Variants in WDPCP observed in about 807,000 individuals in gnomAD.
WDPCP encodes the protein WD repeat containing planar cell polarity effector.
In WDPCP, 71 loss-of-function variants were observed where a neutral mutation model predicts 93.1. The observed-to-expected ratio is 0.76, with a 90% CI of 0.63 to 0.93. The LOEUF is 0.93. Among genes scored for constraint, WDPCP ranks in the 40% least tolerant of loss-of-function variants. The pLI is 0.00. For synonymous variants in WDPCP, 315 were observed against 315.0 expected (o/e 1.00, Z 0.00); for missense variants, 844 against 887.4 (o/e 0.95, Z 0.62).
intron 2 of WDPCP, among the ~76,000 whole-genome samples, chr2:63,679,881 C>T (rs1229656726): frequency 6.6e-6 from 1 of 152,158 alleles, no homozygotes; most frequent in Non-Finnish European, 1.5e-5. Flanking sequence ...TTTCTTCTCA[C>T]TGGTAGAGAG....
In WDPCP at chr2:63,575,368, C is replaced by T. The variant is rs1212226043; in HGVS notation, c.75+12829G>A. Among the ~76,000 whole-genome samples the T allele has an allele frequency of 4.8e-5, 6 of 124,992 alleles. 2 individuals carry two copies. Among genetic ancestry groups the T allele is most frequent in the African/African-American group, 1.2e-4 (4 of 33,978 alleles). 82.0% of individuals were successfully genotyped at this position (124,992 alleles called of 152,430 possible). ...CTGTATATGGTATATACAGTATATACAGTATATACAGTATATACACGGTAT... is the reference window on the plus strand; with the variant it reads ...CTGTATATGGTATATACAGTATATATAGTATATACAGTATATACACGGTAT... On this transcript the variant is annotated intron_variant, in intron 1 of 17. Coordinates refer to ENST00000272321, the MANE Select transcript of WDPCP (RefSeq NM_015910.7).
At chr2:63,330,867 C>CTTTTTTTTT (rs70965119) in intron 12 of WDPCP, among the ~76,000 whole-genome samples, 1 of 86,868 alleles carries the variant, frequency 1.2e-5, no homozygotes, top group Admixed American at 1.5e-4. Context: ...TTCCCCAAGG[C>CTTTTTTTTT]TTTTTTTTTT....
intron 2 of WDPCP, among the ~76,000 whole-genome samples, chr2:63,796,744 T>C (rs1458826200): frequency 6.6e-6 from 1 of 152,204 alleles, no homozygotes; most frequent in East Asian, 1.9e-4. Flanking sequence ...TCTGGGATCC[T>C]AAATAAACTT....
intron 7 of WDPCP, chr2:63,437,991 A>G: frequency 7.5e-7 from 1 of 1,325,048 alleles, no homozygotes; most frequent in Non-Finnish European, 9.7e-7. Flanking sequence ...CTACCAGTCT[A>G]TTTATTTAAA....
intron 2 of WDPCP, among the ~76,000 whole-genome samples, chr2:63,653,337 T>G (rs1178091298): frequency 6.6e-6 from 1 of 152,200 alleles, no homozygotes; most frequent in Admixed American, 6.5e-5. Context: ...GGATTGGGAC[T>G]GAATCAGGTT....
At chr2:63,622,386 G>T in intron 3 of WDPCP, 2 of 1,612,330 alleles carry the variant, frequency 1.2e-6, no homozygotes, top group Non-Finnish European at 1.7e-6. Flanking sequence ...TTTGAACTGG[G>T]CAAGACCAAA....
chr2:63,517,309 C>A (rs1237279163), intron 1 of WDPCP, among the ~76,000 whole-genome samples: 1 of 151,636 alleles, frequency 6.6e-6, no homozygotes, highest in Non-Finnish European at 1.5e-5. Context: ...TGTCTAAGGC[C>A]CTTCAAAAGA....
intron 14 of WDPCP, among the ~76,000 whole-genome samples, chr2:63,199,820 C>G (rs1052350412): frequency 1.3e-5 from 2 of 152,304 alleles, no homozygotes; most frequent in African/African-American, 2.4e-5. Flanking sequence ...CCCCCAGACC[C>G]CAGAATGGTA....
intron 2 of WDPCP, among the ~76,000 whole-genome samples, chr2:63,720,161 A>C (rs191424685): frequency 1.2e-4 from 18 of 152,264 alleles, no homozygotes. Context: ...TCATGCCTGT[A>C]ATCCTAGCAC....
chr2:63,694,681 TTAAGAG>T (rs1371681432), intron 2 of WDPCP, among the ~76,000 whole-genome samples: 2 of 152,156 alleles, frequency 1.3e-5, no homozygotes, highest in African/African-American at 4.8e-5. Flanking sequence ...TTCTTCATCT[TTAAGAG>T]TAGGAAGCAT....
chr2:63,616,145 T>C (rs1362372112), intron 3 of WDPCP, among the ~76,000 whole-genome samples: 1 of 152,206 alleles, frequency 6.6e-6, no homozygotes, highest in African/African-American at 2.4e-5. Flanking sequence ...CAGGAAATAG[T>C]GCAATGTTAA....
intron 13 of WDPCP, among the ~76,000 whole-genome samples, chr2:63,311,260 G>A (rs532940800): frequency 3.9e-5 from 6 of 152,118 alleles, no homozygotes; most frequent in Non-Finnish European, 5.9e-5. Flanking sequence ...GAATAATCCT[G>A]TTTAATCTAC....
chr2:63,277,217 G>C (rs1282040044), intron 13 of WDPCP, among the ~76,000 whole-genome samples: 3 of 49,604 alleles, frequency 6.0e-5, no homozygotes, highest in Non-Finnish European at 9.3e-5. Context: ...GCCAAGAACT[G>C]CTAAAAAAAA....
At chr2:63,136,687 C>G (rs992945080) in intron 17 of WDPCP, among the ~76,000 whole-genome samples, 3 of 151,986 alleles carry the variant, frequency 2.0e-5, no homozygotes, top group Non-Finnish European at 2.9e-5. Flanking sequence ...TTTTACTGAT[C>G]CTCTCCCTTC....
chr2:63,294,350 C>T (rs961664549), intron 13 of WDPCP, among the ~76,000 whole-genome samples: 1 of 151,568 alleles, frequency 6.6e-6, no homozygotes, highest in Admixed American at 6.6e-5. Context: ...TAAAAATACG[C>T]ATACAAAAAA....
At chr2:63,740,442 CCTT>C (rs1442621416) in intron 2 of WDPCP, among the ~76,000 whole-genome samples, 5 of 152,188 alleles carry the variant, frequency 3.3e-5, no homozygotes, top group African/African-American at 7.2e-5. Flanking sequence ...TCACTGCACA[CCTT>C]CTATCACTTT....
At chr2:63,646,040 T>G (rs1285992100) in intron 3 of WDPCP, among the ~76,000 whole-genome samples, 1 of 152,184 alleles carries the variant, frequency 6.6e-6, no homozygotes, top group African/African-American at 2.4e-5. Context: ...ACCATTTTGT[T>G]ATTTGTTTTC....
intron 6 of WDPCP, among the ~76,000 whole-genome samples, chr2:63,464,082 C>T (rs1167022424): frequency 6.6e-6 from 1 of 152,008 alleles, no homozygotes; most frequent in Non-Finnish European, 1.5e-5. Context: ...GAAAAGGTAA[C>T]CTACAGAATG....
intron 17 of WDPCP, among the ~76,000 whole-genome samples, chr2:63,145,422 G>T (rs563051495): frequency 5.9e-5 from 9 of 152,250 alleles, no homozygotes; most frequent in African/African-American, 1.9e-4. Flanking sequence ...CCTTGGGCAG[G>T]TCTTGCTGTG....
Sources: allele counts gnomAD v4.1 joint callset (sites outside exome capture counted in the v4.1 genomes callset), GRCh38; gene constraint gnomAD v4.1.1; transcripts MANE v1.5; gene names NCBI Gene and HGNC (gene_info 2026-07-23, HGNC 2026-07-21).